The following CASK variants were observed in gnomAD, a reference collection of about 807,000 sequenced individuals.
CASK encodes the protein calcium/calmodulin dependent serine protein kinase.
In CASK, 4 loss-of-function variants were observed where a neutral mutation model predicts 82.9. That is an observed-to-expected ratio of 0.05 (90% confidence interval 0.02 to 0.11). CASK has a LOEUF of 0.11. CASK is among the 10% of genes least tolerant of loss of function. The pLI, the probability that CASK is intolerant of heterozygous loss-of-function variation, is 1.00. For missense variants in CASK, 358 were observed against 720.9 expected, an observed-to-expected ratio of 0.50 and a Z score of 5.76; for synonymous variants, 259 against 253.5, an observed-to-expected ratio of 1.02 and a Z score of -0.20.
At chrX:41,632,602 C>T (rs768522372) in intron 9 of CASK, among the ~76,000 whole-genome samples, 2 of 111,856 alleles carry the variant, frequency 1.8e-5, no homozygotes, top group South Asian at 7.4e-4. Flanking sequence ...GAAATGTAAA[C>T]AGTTACATAT....
At chrX:41,725,536 A>ACATTCTCTGATGGCACAT (rs2068246024) in intron 5 of CASK, among the ~76,000 whole-genome samples, 1 of 111,821 alleles carries the variant, frequency 8.9e-6, no homozygotes, top group African/African-American at 3.2e-5. Context: ...GGTGAAGAAC[A>ACATTCTCTGATGGCACAT]CAGAGAATAT....
chrX:41,704,504 T>G lies in CASK; in HGVS notation c.430-32974A>C, dbSNP rs1298063097. ...CTCTTAGACCAGGAGATGACCTGAT[T>G]AAATGCATTAGCATATCTACAGAAA... On this transcript the variant is annotated intron_variant, in intron 5 of 26. Coordinates refer to ENST00000378163, the MANE Select transcript of CASK (RefSeq NM_001367721.1). Among the ~76,000 whole-genome samples, 4 of 112,101 alleles carry G rather than the reference T, an allele frequency of 3.6e-5. No homozygotes were observed. The Admixed American group carries it at 3.8e-4, about 11-fold the overall frequency.
At chrX:41,743,478 C>T in intron 4 of CASK, 1 of 284,799 alleles carries the variant, frequency 3.5e-6, no homozygotes, top group Non-Finnish European at 6.2e-6. Context: ...GCGTATAGAT[C>T]AGAAGCCTAA....
At chrX:41,880,161 C>G (rs1350935534) in intron 1 of CASK, among the ~76,000 whole-genome samples, 1 of 111,639 alleles carries the variant, frequency 9.0e-6, no homozygotes, top group Non-Finnish European at 1.9e-5. Context: ...GTCATTTTCT[C>G]AGCACTTCTA....
chrX:41,870,278 GT>G (rs753651295), intron 1 of CASK, among the ~76,000 whole-genome samples: 1 of 112,060 alleles, frequency 8.9e-6, no homozygotes, highest in African/African-American at 3.2e-5. Context: ...AGAAGTGACA[GT>G]TTGACAGTGG....
At chrX:41,730,793 C>G (rs766542531) in intron 5 of CASK, among the ~76,000 whole-genome samples, 9 of 111,513 alleles carry the variant, frequency 8.1e-5, no homozygotes, top group Admixed American at 3.8e-4. Context: ...CCTCCACCCC[C>G]CCGGGGTCAA....
chrX:41,735,471 G>A (rs995588859), intron 5 of CASK, among the ~76,000 whole-genome samples: 24 of 111,662 alleles, frequency 2.1e-4, no homozygotes, highest in Non-Finnish European at 1.1e-4. Flanking sequence ...CCCTGTAACA[G>A]GGTCTTGAAT....
At chrX:41,576,422 C>T (rs924641326) in intron 15 of CASK, among the ~76,000 whole-genome samples, 1 of 111,002 alleles carries the variant, frequency 9.0e-6, no homozygotes, top group Admixed American at 9.6e-5. Flanking sequence ...CCTGGCTGAA[C>T]ATCACACCTT....
rs1460472409 is a variant in CASK at position 41,518,411 on chromosome X, C to G, written c.*2009G>C. On this transcript the variant is annotated 3_prime_UTR_variant, in exon 27 of 27. Transcript: ENST00000378163. Reference sequence around the variant, plus strand: ...TACCCAACTCTTTGAAGGTTTCTCTCTCTATCTAGTGTGAGACCACTGTTG... The same window carrying G: ...TACCCAACTCTTTGAAGGTTTCTCTGTCTATCTAGTGTGAGACCACTGTTG... 9.1e-6 allele frequency: 1 copy of G among 110,156 alleles called. No homozygotes were observed. The highest frequency in any genetic ancestry group is 3.3e-5 in the African/African-American group (1 of 30,110). 9.1% of individuals were successfully genotyped at this position (110,156 alleles called of 1,213,427 possible).
chrX:41,533,553 C>T (rs150812890), intron 24 of CASK, among the ~76,000 whole-genome samples: 87 of 112,448 alleles, frequency 7.7e-4, no homozygotes, highest in African/African-American at 2.7e-3. Context: ...ATGTGAAGGC[C>T]CTATAGAATG....
At chrX:41,695,696 C>A in intron 5 of CASK, 1 of 1,205,218 alleles carries the variant, frequency 8.3e-7, no homozygotes, top group East Asian at 3.0e-5. Flanking sequence ...ACTCCTCCCA[C>A]AGAATGCGCT....
intron 1 of CASK, among the ~76,000 whole-genome samples, chrX:41,889,064 C>T (rs1241556017): frequency 9.1e-6 from 1 of 109,572 alleles, no homozygotes; most frequent in Admixed American, 9.8e-5. Context: ...ACCTTCCTCT[C>T]CCAAGACCCA....
chrX:41,591,927 C>G (rs1298237469), intron 12 of CASK, among the ~76,000 whole-genome samples: 1 of 111,222 alleles, frequency 9.0e-6, no homozygotes, highest in African/African-American at 3.3e-5. Context: ...TTTAAATAAT[C>G]TAAGTGAATA....
chrX:41,819,362 T>C (rs1004880573), intron 2 of CASK, among the ~76,000 whole-genome samples: 1 of 110,999 alleles, frequency 9.0e-6, no homozygotes, highest in Non-Finnish European at 1.9e-5. Context: ...AAAATGAAAC[T>C]GACAAATTCC....
chrX:41,920,653 T>G (rs1331409460), intron 1 of CASK, among the ~76,000 whole-genome samples: 1 of 111,423 alleles, frequency 9.0e-6, no homozygotes, highest in East Asian at 2.8e-4. Context: ...AATTTTTTTC[T>G]CCCAGGGGTG....
intron 11 of CASK, among the ~76,000 whole-genome samples, chrX:41,611,928 T>C (rs2066062387): frequency 8.9e-6 from 1 of 111,902 alleles, no homozygotes; most frequent in African/African-American, 3.2e-5. Context: ...CTCCAGCTCC[T>C]AACCGCGAGT....
intron 5 of CASK, among the ~76,000 whole-genome samples, chrX:41,700,240 A>G (rs1404418529): frequency 2.3e-4 from 26 of 111,676 alleles, no homozygotes; most frequent in Non-Finnish European, 1.3e-4. Context: ...TTTATTTTCA[A>G]CTTTAAAAAA....
chrX:41,893,388 T>C (rs1425538898), intron 1 of CASK, among the ~76,000 whole-genome samples: 1 of 111,928 alleles, frequency 8.9e-6, no homozygotes, highest in Non-Finnish European at 1.9e-5. Flanking sequence ...CAATACTGGT[T>C]GAGGTAAGCA....
chrX:41,696,490 G>A, intron 5 of CASK: 1 of 1,207,445 alleles, frequency 8.3e-7, no homozygotes, highest in East Asian at 3.0e-5. Flanking sequence ...CATGCCTTTC[G>A]ATTCATCTAC....
Sources: allele counts gnomAD v4.1 joint callset (sites outside exome capture counted in the v4.1 genomes callset), GRCh38; gene constraint gnomAD v4.1.1; transcripts MANE v1.5; gene names NCBI Gene and HGNC (gene_info 2026-07-23, HGNC 2026-07-21).